Variants in UNC79 observed in about 807,000 individuals in gnomAD.
UNC79 encodes the protein protein unc-79 homolog.
A neutral mutation model predicts 283.1 loss-of-function variants in UNC79; 37 were observed. The observed-to-expected ratio is 0.13, with a 90% confidence interval of 0.10 to 0.17. The LOEUF is 0.17. Among genes scored for constraint, UNC79 ranks in the 10% least tolerant of loss-of-function variants. The probability of loss-of-function intolerance (pLI) is 1.00; values close to 1 mark genes in which losing one functional copy is unlikely to be tolerated. For synonymous variants in UNC79, 1,107 were observed against 1,200.2 expected, an observed-to-expected ratio of 0.92 and a Z score of 1.61; for missense variants, 2,272 against 3,211.1, an observed-to-expected ratio of 0.71 and a Z score of 7.07.
chr14:93,659,082 T>C, intron 38 of UNC79, 111 bp from the exon 42 acceptor site: 1 of 769,904 alleles, frequency 1.3e-6, no homozygotes, highest in South Asian at 2.1e-5. Context: ...TGAGATGCAG[T>C]CATATTTCAG....
chr14:93,392,235 G>A (rs986889848), intron 1 of UNC79, among the ~76,000 whole-genome samples: 4 of 152,170 alleles, frequency 2.6e-5, no homozygotes, highest in Non-Finnish European at 5.9e-5. Flanking sequence ...AAGGACTACT[G>A]TACAGTAATG....
chr14:93,397,739 C>T (rs1595429500), intron 1 of UNC79, among the ~76,000 whole-genome samples: 1 of 149,804 alleles, frequency 6.7e-6, no homozygotes, highest in East Asian at 2.0e-4. Flanking sequence ...CCATTCTCAT[C>T]CTTAGAACAA....
At chr14:93,553,399 A>C (rs1306406134) in intron 14 of UNC79, among the ~76,000 whole-genome samples, 3 of 152,152 alleles carry the variant, frequency 2.0e-5, no homozygotes, top group African/African-American at 7.2e-5. Flanking sequence ...GACACATTAG[A>C]TCTCCAAGAG....
At chr14:93,529,356 T>G in intron 10 of UNC79, 30 bp downstream of exon 10, 1 of 1,610,334 alleles carries the variant, frequency 6.2e-7, no homozygotes, top group South Asian at 1.1e-5. Flanking sequence ...GGATGAATAA[T>G]GAGTAATCAT....
chr14:93,472,380 A>G (rs950653843), intron 2 of UNC79, among the ~76,000 whole-genome samples: 6 of 152,144 alleles, frequency 3.9e-5, no homozygotes, highest in African/African-American at 1.4e-4. Context: ...GTCAGGTGGT[A>G]ACTGGAATAT....
intron 20 of UNC79, among the ~76,000 whole-genome samples, chr14:93,583,203 C>A (rs977733269): frequency 6.6e-6 from 1 of 151,964 alleles, no homozygotes; most frequent in African/African-American, 2.4e-5. Context: ...TGCCTGTAAT[C>A]CCAGCTACTA....
intron 35 of UNC79, among the ~76,000 whole-genome samples, chr14:93,652,133 C>A (rs933831718): frequency 1.1e-4 from 16 of 152,140 alleles, no homozygotes; most frequent in Admixed American, 9.8e-4. Flanking sequence ...GGAGAGTCGG[C>A]ACCCTTTTCT....
At chr14:93,495,927 C>T (rs1237508244) in intron 5 of UNC79, among the ~76,000 whole-genome samples, 1 of 152,234 alleles carries the variant, frequency 6.6e-6, no homozygotes, top group African/African-American at 2.4e-5. Context: ...TCTAATCCAT[C>T]AAGTCTGTCA....
At chr14:93,675,792 G>A (rs984675316) in intron 41 of UNC79, among the ~76,000 whole-genome samples, 4 of 152,210 alleles carry the variant, frequency 2.6e-5, no homozygotes, top group African/African-American at 9.6e-5. Context: ...TGAACTCTCA[G>A]TGAGTCAGTG....
intron 1 of UNC79, among the ~76,000 whole-genome samples, chr14:93,404,830 G>A (rs2140036902): frequency 6.6e-6 from 1 of 151,730 alleles, no homozygotes; most frequent in Non-Finnish European, 1.5e-5. Flanking sequence ...AACCACATAG[G>A]CTAGACAAAC....
intron 23 of UNC79, among the ~76,000 whole-genome samples, chr14:93,595,913 G>A (rs2065044545): frequency 6.6e-6 from 1 of 152,012 alleles, no homozygotes. Flanking sequence ...GTTTCTTAGT[G>A]GTATACATAT....
At position 93,411,214 on chromosome 14, in the gene UNC79, T is replaced by C. The variant is rs770654880; in HGVS notation, c.-350-56457T>C. Among the ~76,000 whole-genome samples, 209 of 152,248 alleles carry C rather than the reference T, an allele frequency of 1.4e-3. 1 individual carries two copies. The highest frequency in any genetic ancestry group is 1.7e-3 in the Non-Finnish European group (114 of 68,002). On this transcript the variant is annotated intron_variant, in intron 1 of 49. Coordinates refer to the UNC79 transcript ENST00000256339. ...CCACAGGATGAGGCCCCTCTGCCTC[T>C]AGAAAGGTGAGAGAAGAGTGGAAAG...
chr14:93,418,583 G>T (rs2055517007), intron 1 of UNC79, among the ~76,000 whole-genome samples: 1 of 151,784 alleles, frequency 6.6e-6, no homozygotes, highest in African/African-American at 2.4e-5. Context: ...GTCTGCAGAG[G>T]TTACTGCTGT....
At chr14:93,656,884 A>T (rs2071001139) in intron 38 of UNC79, among the ~76,000 whole-genome samples, 1 of 152,160 alleles carries the variant, frequency 6.6e-6, no homozygotes, top group Non-Finnish European at 1.5e-5. Context: ...CCATAGACAG[A>T]AAAACAAAAG....
At chr14:93,511,573 G>A (rs569067780) in intron 7 of UNC79, among the ~76,000 whole-genome samples, 1 of 152,010 alleles carries the variant, frequency 6.6e-6, no homozygotes, top group African/African-American at 2.4e-5. Flanking sequence ...TCAGCCTCCC[G>A]AGTAGCTGGT....
At chr14:93,521,567 T>C (rs1396729088) in intron 7 of UNC79, among the ~76,000 whole-genome samples, 1 of 151,860 alleles carries the variant, frequency 6.6e-6, no homozygotes, top group Non-Finnish European at 1.5e-5. Context: ...GCCAGGGTGA[T>C]TGTGGGGCTC....
intron 1 of UNC79, among the ~76,000 whole-genome samples, chr14:93,462,325 A>G (rs1566950902): frequency 1.3e-5 from 2 of 151,968 alleles, no homozygotes; most frequent in African/African-American, 4.8e-5. Context: ...AACAAAACAA[A>G]ACACACACAC....
At chr14:93,464,424 C>G (rs2057078828) in intron 1 of UNC79, 2 of 425,294 alleles carry the variant, frequency 4.7e-6, no homozygotes. Flanking sequence ...GTGTCCTAAT[C>G]TCCTCTTAAA....
intron 1 of UNC79, among the ~76,000 whole-genome samples, chr14:93,345,358 T>C (rs111794921): frequency 2.6e-4 from 39 of 152,154 alleles, no homozygotes; most frequent in African/African-American, 9.4e-4. Flanking sequence ...TTCATAAGCA[T>C]GAAATGACAA....
Sources: gnomAD v4.1 joint callset for allele counts (sites outside exome capture counted in the v4.1 genomes callset) on GRCh38, gnomAD v4.1.1 for gene constraint, MANE v1.5 for transcripts, NCBI Gene and HGNC (gene_info 2026-07-23, HGNC 2026-07-21) for gene names.